The following SPTB variants were observed in gnomAD, a reference collection of about 807,000 sequenced individuals.
SPTB encodes the protein spectrin beta chain, erythrocytic.
In SPTB, 45 loss-of-function variants were observed where a neutral mutation model predicts 256.2. The ratio of observed to expected loss-of-function variants is 0.18; its 90% CI spans 0.14 to 0.23. The LOEUF (loss-of-function observed/expected upper bound fraction) is 0.23, where lower values mean the gene tolerates loss of function less well. Among genes scored for constraint, SPTB ranks in the 10% least tolerant of loss-of-function variants. SPTB has a pLI of 1.00. For missense variants in SPTB, 2,715 were observed against 3,040.4 expected, an observed-to-expected ratio of 0.89 and a Z score of 2.52; for synonymous variants, 1,231 against 1,243.1, an observed-to-expected ratio of 0.99 and a Z score of 0.21.
At position 64,772,514 on chromosome 14, in the gene SPTB, G is replaced by A; in HGVS notation, c.5553+66C>T. On this transcript the variant is annotated intron_variant, in intron 26 of 35. Transcript: ENST00000644917. The surrounding 1 kb of genome is among the most constrained non-coding windows in gnomAD (Gnocchi z 5.4). Reference sequence around the variant, plus strand: ...CTAGAGGTTTTCCTGCTGACAGCCAGGTGGGGACTGACACCCAGGGCTCCT... The same window carrying A: ...CTAGAGGTTTTCCTGCTGACAGCCAAGTGGGGACTGACACCCAGGGCTCCT... 6.3e-7 allele frequency: 1 copy of A among 1,588,706 alleles called. No homozygotes were observed. The highest frequency in any genetic ancestry group is 8.5e-7 in the Non-Finnish European group (1 of 1,175,446).
intron 1 of SPTB, among the ~76,000 whole-genome samples, chr14:64,870,519 C>A (rs1372495045): frequency 2.6e-5 from 4 of 152,176 alleles, no homozygotes. Flanking sequence ...ACCTGCCTGT[C>A]CTCTAAAAGT....
intron 32 of SPTB, among the ~76,000 whole-genome samples, chr14:64,765,308 T>C (rs940371878): frequency 1.1e-4 from 17 of 152,008 alleles, no homozygotes; most frequent in African/African-American, 2.4e-4. Context: ...AGCGGGGACA[T>C]GCAGGGGGAA....
chr14:64,799,720 C>A (rs2139620731), intron 9 of SPTB, 27 bp downstream of exon 9: 1 of 1,613,450 alleles, frequency 6.2e-7, no homozygotes, highest in African/African-American at 1.3e-5. Flanking sequence ...CACTGAGGAC[C>A]ACCCTCCCAT....
Position 64,777,680 on chromosome 14 carries a change from G to A in SPTB, c.4563+1477C>T, listed in dbSNP as rs987537545. On this transcript the variant is annotated intron_variant, in intron 22 of 35. Coordinates refer to ENST00000644917, the MANE Select transcript of SPTB (RefSeq NM_001355436.2). This position sits in a 1 kb window ranked among gnomAD's most constrained non-coding sequence, Gnocchi z 4.5. ...TCTGGGGGTGGCACCTGGTTAAGTC[G>A]TGTAAACTCACCCAGAAGGCTTGTT... 1.3e-5 allele frequency among the ~76,000 whole-genome samples: 2 copies of A among 152,202 alleles called. No homozygotes were observed. Among genetic ancestry groups the A allele is most frequent in the East Asian group, 3.8e-4 (2 of 5,198 alleles).
intron 1 of SPTB, among the ~76,000 whole-genome samples, chr14:64,868,074 A>G (rs189438401): frequency 6.6e-6 from 1 of 152,074 alleles, no homozygotes; most frequent in Non-Finnish European, 1.5e-5. Flanking sequence ...GCCCCTTTAC[A>G]CTTCATTTTG....
intron 32 of SPTB, among the ~76,000 whole-genome samples, chr14:64,766,071 G>A (rs2082173665): frequency 8.0e-6 from 1 of 124,564 alleles, no homozygotes; most frequent in Admixed American, 7.2e-5. Flanking sequence ...TATGGGGGGT[G>A]TGGTCTGTAT....
chr14:64,863,840 T>C (rs1377051083), intron 1 of SPTB, among the ~76,000 whole-genome samples: 1 of 152,210 alleles, frequency 6.6e-6, no homozygotes, highest in Non-Finnish European at 1.5e-5. Context: ...GTCAGGCACT[T>C]AATTGACTGT....
intron 1 of SPTB, among the ~76,000 whole-genome samples, chr14:64,840,083 G>T (rs1257748166): frequency 1.3e-5 from 2 of 152,182 alleles, no homozygotes; most frequent in Non-Finnish European, 2.9e-5. Context: ...TTCAGTTTCA[G>T]TTAAACAAAC....
intron 1 of SPTB, among the ~76,000 whole-genome samples, chr14:64,834,324 G>T (rs751827368): frequency 6.6e-6 from 1 of 151,758 alleles, no homozygotes; most frequent in Non-Finnish European, 1.5e-5. Context: ...ACCGTGCCAC[G>T]CTCAACCACA....
rs179383 is a variant in SPTB at position 64,802,558 on chromosome 14, G to C, written c.475-241C>G. On this transcript the variant is annotated intron_variant, in intron 4 of 35. Coordinates refer to ENST00000644917, the MANE Select transcript of SPTB (RefSeq NM_001355436.2). The surrounding 1 kb of genome is among the most constrained non-coding windows in gnomAD (Gnocchi z 5.1). ...CCAGGGAAATCTGTCTTGGTCACTT[G>C]TCTGTCTCCAGGGCCTGGAGCCTGG... Among the ~76,000 whole-genome samples, 55,269 of 151,746 alleles carry C rather than the reference G, an allele frequency of 0.36. 11,102 individuals are homozygous for C. Among genetic ancestry groups the C allele is most frequent in the African/African-American group, 0.53 (21,817 of 41,284 alleles).
At chr14:64,864,129 G>A (rs1008347688) in intron 1 of SPTB, among the ~76,000 whole-genome samples, 1 of 151,756 alleles carries the variant, frequency 6.6e-6, no homozygotes, top group Admixed American at 6.6e-5. Context: ...TGAAGAGATA[G>A]AAGGAGCATA....
rs545593797 is a variant in SPTB, at chr14:64,816,223, C to T, written c.148+6724G>A. 3.9e-5 allele frequency among the ~76,000 whole-genome samples: 6 copies of T among 152,304 alleles called. No homozygotes were observed. The highest frequency in any genetic ancestry group is 2.1e-4 in the South Asian group (1 of 4,824). On this transcript the variant is annotated intron_variant, in intron 2 of 35. Coordinates refer to ENST00000644917, the MANE Select transcript of SPTB (RefSeq NM_001355436.2). This position sits in a 1 kb window ranked among gnomAD's most constrained non-coding sequence, Gnocchi z 4.2. ...AGCCCACAGCTAATGCTCCCTCTCT[C>T]GGACCCTTCAACCCTGCCACTGTAT...
In SPTB at chr14:64,749,149, C is replaced by T. The variant is rs1362272705; in HGVS notation, c.*157G>A. Reference sequence around the variant, plus strand: ...GGGGCGTCGGCCCAGGACACGCGGGCGAAGGCAGCTTTTGCAGTGCAGCGT... The same window carrying T: ...GGGGCGTCGGCCCAGGACACGCGGGTGAAGGCAGCTTTTGCAGTGCAGCGT... On this transcript the variant is annotated 3_prime_UTR_variant, in exon 36 of 36. Coordinates refer to ENST00000644917, the MANE Select transcript of SPTB (RefSeq NM_001355436.2). This position sits in a 1 kb window ranked among gnomAD's most constrained non-coding sequence, Gnocchi z 4.7. 14 of 840,046 alleles carry T rather than the reference C, an allele frequency of 1.7e-5. No homozygotes were observed. Among genetic ancestry groups the T allele is most frequent in the East Asian group, 3.0e-5 (1 of 33,492 alleles). The allele number at this position is 840,046 out of a possible 1,614,324, so 52.0% of individuals were successfully genotyped here. A position where few individuals can be genotyped will look rare whatever the true frequency, so the allele number is the denominator to read the frequency against.
chr14:64,832,670 A>T (rs1241872309), intron 1 of SPTB, among the ~76,000 whole-genome samples: 1 of 152,110 alleles, frequency 6.6e-6, no homozygotes, highest in Non-Finnish European at 1.5e-5. Flanking sequence ...ATCTATCCTC[A>T]TCCTTTTCCC....
At chr14:64,803,819 T>C (rs371002935) in intron 3 of SPTB, 39 bp from the exon 4 acceptor site, 8 of 1,568,718 alleles carry the variant, frequency 5.1e-6, no homozygotes, top group Non-Finnish European at 6.9e-6. Context: ...ATGGAGGGAC[T>C]GCACAGTCAT....
rs1001736867 is a variant in SPTB, at chr14:64,816,955, A to G, written c.148+5992T>C. Among the ~76,000 whole-genome samples the G allele has an allele frequency of 4.6e-5, 7 of 152,222 alleles. No homozygotes were observed. Among genetic ancestry groups the G allele is most frequent in the Non-Finnish European group, 8.8e-5 (6 of 68,024 alleles). ...TGTCCCAAAGATGGAGGAGGCTATT[A>G]ACGTGGTTCACTCAGACTGCACTGC... On this transcript the variant is annotated intron_variant, in intron 2 of 35. Coordinates refer to ENST00000644917, the MANE Select transcript of SPTB (RefSeq NM_001355436.2). This position sits in a 1 kb window ranked among gnomAD's most constrained non-coding sequence, Gnocchi z 4.2.
At chr14:64,794,184 TA>T (rs1185389682) in intron 13 of SPTB, among the ~76,000 whole-genome samples, 1 of 152,180 alleles carries the variant, frequency 6.6e-6, no homozygotes, top group Non-Finnish European at 1.5e-5. Flanking sequence ...GTCTCTTATT[TA>T]AAACAAGAAT....
intron 1 of SPTB, among the ~76,000 whole-genome samples, chr14:64,875,223 G>T (rs1882757669): frequency 6.6e-6 from 1 of 152,202 alleles, no homozygotes; most frequent in African/African-American, 2.4e-5. Flanking sequence ...AATTTGATAA[G>T]CTAGCCAGAC....
At chr14:64,773,847 TCTGGGGTGG>T (rs1031281117) in intron 24 of SPTB, among the ~76,000 whole-genome samples, 2 of 152,126 alleles carry the variant, frequency 1.3e-5, no homozygotes, top group African/African-American at 4.8e-5. Flanking sequence ...CAGGGAAACC[TCTGGGGTGG>T]CTGCTGAGGA....
Sources: gnomAD v4.1 joint callset for allele counts (sites outside exome capture counted in the v4.1 genomes callset) on GRCh38, gnomAD v4.1.1 for gene constraint, Gnocchi (gnomAD v3.1) non-coding constraint, MANE v1.5 for transcripts, NCBI Gene and HGNC (gene_info 2026-07-23, HGNC 2026-07-21) for gene names.